The following LBR variants were observed in gnomAD, a reference collection of about 807,000 sequenced individuals.
LBR encodes lamin B receptor.
LBR carries 28 observed loss-of-function variants against 74.3 expected under a neutral mutation model. The ratio of observed to expected loss-of-function variants is 0.38; its 90% CI spans 0.28 to 0.52. The LOEUF is 0.52. Ranked by LOEUF, LBR falls within the 20% of genes least tolerant of loss-of-function variation. The probability of loss-of-function intolerance (pLI) is 0.89; values close to 1 mark genes in which losing one functional copy is unlikely to be tolerated. For synonymous variants in LBR, 228 were observed against 269.3 expected, an observed-to-expected ratio of 0.85 and a Z score of 1.50; for missense variants, 717 against 760.3, an observed-to-expected ratio of 0.94 and a Z score of 0.67.
upstream of LBR, among the ~76,000 whole-genome samples, chr1:225,428,279 C>G (rs781448218): frequency 1.3e-5 from 2 of 152,184 alleles, no homozygotes; most frequent in South Asian, 2.1e-4. Context: ...CGGGGGAAAC[C>G]GAGTCTGGCG....
At chr1:225,421,816 A>G (rs1415565781) in intron 3 of LBR, among the ~76,000 whole-genome samples, 1 of 152,252 alleles carries the variant, frequency 6.6e-6, no homozygotes, top group Non-Finnish European at 1.5e-5. Context: ...TCAATCTACA[A>G]GCTACATCTA....
At position 225,406,758 on chromosome 1, in the gene LBR, C is replaced by G; in HGVS notation, c.1389G>C (p.Trp463Cys). The G allele has an allele frequency of 6.2e-7, 1 of 1,614,096 alleles. No individual in the cohort carries two copies. Residue 463 changes from tryptophan to cysteine, a missense_variant, in exon 11 of 14, where the codon TGG (tryptophan) becomes TGC (cysteine). Coordinates refer to ENST00000272163, the MANE Select transcript of LBR (RefSeq NM_002296.4). ...CTTGGAAGCTGTAAATAAAGGGAAC[C>G]CACACCAAGTCTCCAAAAGCCAGCA... ...GFMLAFGDLV[W>C]VPFIYSFQAF... is the part of the protein sequence containing the mutation.
Position 225,417,977 on chromosome 1 carries a change from A to G in LBR, c.837+7T>C. 6.2e-7 allele frequency: 1 copy of G among 1,613,280 alleles called. No individual in the cohort carries two copies. The highest frequency in any genetic ancestry group is 8.5e-7 in the Non-Finnish European group (1 of 1,179,230). Reference sequence around the variant, plus strand: ...ATTAAAACAAAACAGAATTACCATAAACGTACCTTTCCAATTGGCAGTAGG... The same window carrying G: ...ATTAAAACAAAACAGAATTACCATAGACGTACCTTTCCAATTGGCAGTAGG... On this transcript the variant is annotated splice_region_variant and intron_variant, in intron 6 of 13. Coordinates refer to ENST00000272163, the MANE Select transcript of LBR (RefSeq NM_002296.4).
intron 1 of LBR, 37 bp from the exon 2 acceptor site, chr1:225,424,126 A>C (rs760464261): frequency 7.0e-7 from 1 of 1,433,788 alleles, no homozygotes; most frequent in South Asian, 1.1e-5. Flanking sequence ...GAGTCAATAC[A>C]TACACATTTA....
chr1:225,416,143 T>C (rs1485162581), intron 6 of LBR, among the ~76,000 whole-genome samples: 2 of 150,392 alleles, frequency 1.3e-5, no homozygotes, highest in Non-Finnish European at 3.0e-5. Context: ...CAGGAGGAGG[T>C]TGCAGATTGC....
chr1:225,424,069 T>C lies in LBR; in HGVS notation c.7A>G (p.Ser3Gly), dbSNP rs1481485031. MPSRKFADGEVVR... is the reference protein window; with the variant it reads MPGRKFADGEVVR... ...ACTTCACCATCGGCAAATTTCCTAC[T>C]TGGCATTTTCTATAATTAACCTGAA... is the stretch of plus-strand genomic sequence containing the variant. The change falls in exon 2 of 14, where the codon AGT becomes GGT. Residue 3 changes from serine (S) to glycine (G), a missense_variant. Physicochemically the swap from Ser to Gly is moderately conservative, Grantham distance 56. Transcript: ENST00000272163. The C allele has an allele frequency of 1.9e-6, 3 of 1,614,090 alleles. No homozygotes were observed. Among genetic ancestry groups the C allele is most frequent in the Non-Finnish European group, 2.5e-6 (3 of 1,179,976 alleles).
chr1:225,403,368 A>G lies in LBR; in HGVS notation c.1783T>C (p.Tyr595His). 6.2e-7 allele frequency: 1 copy of G among 1,613,936 alleles called. No homozygotes were observed. Among genetic ancestry groups the G allele is most frequent in the Non-Finnish European group, 8.5e-7 (1 of 1,179,910 alleles). ...CAGTACTTTTCCCAAGCCACGCCGT[A>G]TTTCTTCTTACAGTGGTACTCGTCA... ...ARDEYHCKKK[Y>H]GVAWEKYCQR... The change falls in exon 14 of 14, where the codon TAC (tyrosine) becomes CAC (histidine). Residue 595 changes from tyrosine (Y) to histidine (H), a missense_variant. Transcript: ENST00000272163.
chr1:225,412,591 C>G lies in LBR; in HGVS notation c.947G>C (p.Gly316Ala). 5 of 1,613,454 alleles carry G rather than the reference C, an allele frequency of 3.1e-6. No individual in the cohort carries two copies. Among genetic ancestry groups the G allele is most frequent in the Non-Finnish European group, 4.2e-6 (5 of 1,179,916 alleles). Residue 316 changes from glycine to alanine, a missense_variant, in exon 8 of 14, where the codon GGC (glycine) becomes GCC (alanine). Physicochemically the swap from Gly to Ala is moderately conservative, Grantham distance 60 (BLOSUM62 0). Coordinates refer to ENST00000272163, the MANE Select transcript of LBR (RefSeq NM_002296.4). ...SAVIGTSLFQ[G>A]VEFHYVYSHF... ...ACTGTACACGTAATGAAACTCTACGCCCTGGAAGAGAGATGTTCCGATGAC... is the reference window on the plus strand; with the variant it reads ...ACTGTACACGTAATGAAACTCTACGGCCTGGAAGAGAGATGTTCCGATGAC...
intron 6 of LBR, among the ~76,000 whole-genome samples, chr1:225,416,155 C>T (rs1455600105): frequency 6.6e-6 from 1 of 151,582 alleles, no homozygotes; most frequent in Non-Finnish European, 1.5e-5. Context: ...GCAGATTGCA[C>T]CACTGCACTC....
At chr1:225,416,681 C>CA (rs1360969256) in intron 6 of LBR, among the ~76,000 whole-genome samples, 2 of 152,180 alleles carry the variant, frequency 1.3e-5, no homozygotes, top group East Asian at 3.8e-4. Flanking sequence ...CGACGGGATC[C>CA]ACATCCATGG....
At chr1:225,408,085 C>G (rs2096096315) in intron 10 of LBR, among the ~76,000 whole-genome samples, 1 of 152,150 alleles carries the variant, frequency 6.6e-6, no homozygotes, top group Non-Finnish European at 1.5e-5. Flanking sequence ...TCACTGTTAA[C>G]TATAGTCATC....
rs1462087829 is a variant in LBR, at chr1:225,422,234, C to G, written c.209G>C (p.Ser70Thr). 22 of 1,613,706 alleles carry G rather than the reference C, an allele frequency of 1.4e-5. No individual in the cohort carries two copies. The highest frequency in any genetic ancestry group is 1.9e-5 in the Non-Finnish European group (22 of 1,180,034). The change falls in exon 3 of 14, where the codon AGT becomes ACT. Residue 70 changes from serine (S) to threonine (T), a missense_variant. By Grantham distance (58) the Ser-to-Thr change is moderately conservative. Transcript: ENST00000272163. The stretch of plus-strand genomic sequence containing the variant: ...ACTCCCTCGGCGTCTGGAAGGGGAA[C>G]TGGAAGTTGAGCCACCTTTCCTTTG... ...FRQRKGGSTS[S>T]SPSRRRGSRS...
chr1:225,428,710 C>T (rs1429488887), upstream of LBR: 1 of 152,130 alleles, frequency 6.6e-6, no homozygotes, highest in Non-Finnish European at 1.5e-5. Flanking sequence ...ACTTACGCTG[C>T]GAGGAGGGGC....
Position 225,406,842 on chromosome 1 carries a change from T to C in LBR, c.1315-10A>G, listed in dbSNP as rs372673408. The stretch of plus-strand genomic sequence containing the variant: ...TCGTCAACAACGCTTCCTATAAGGA[T>C]ACAGACGGGGAAAGGGAGAAGGAGC... On this transcript the variant is annotated splice_polypyrimidine_tract_variant and intron_variant, in intron 10 of 13. Transcript: ENST00000272163. The C allele has an allele frequency of 2.6e-4, 418 of 1,613,494 alleles. No individual in the cohort carries two copies. The highest frequency in any genetic ancestry group is 3.3e-4 in the Non-Finnish European group (393 of 1,179,544).
At chr1:225,423,667 A>AAACCCAGGGGACCAACAGATG in intron 2 of LBR, among the ~76,000 whole-genome samples, 1 of 152,342 alleles carries the variant, frequency 6.6e-6, no homozygotes, top group East Asian at 1.9e-4. Flanking sequence ...CACAGAACGT[A>AAACCCAGGGGACCAACAGATG]GTAAACCCAG....
upstream of LBR, chr1:225,428,618 T>A (rs1022686582): frequency 2.0e-5 from 3 of 152,078 alleles, no homozygotes; most frequent in Admixed American, 2.0e-4. Flanking sequence ...CCGCGGCCGC[T>A]GAACCTGCGT....
At position 225,411,387 on chromosome 1, in the gene LBR, T is replaced by C. The variant is rs779092617; in HGVS notation, c.1138A>G (p.Thr380Ala). Residue 380 changes from threonine (T) to alanine (A), a missense_variant, in exon 9 of 14, where the codon ACT becomes GCT. Coordinates refer to ENST00000272163, the MANE Select transcript of LBR (RefSeq NM_002296.4). ...TCACAAAAGTATTTGAGATCAAAAG[T>C]ACCAATTCGAGGGTTTAATTCACGG... ...IGRELNPRIG[T>A]FDLKYFCELR... 1.7e-5 allele frequency: 28 copies of C among 1,613,964 alleles called. No homozygotes were observed.
At chr1:225,424,886 C>T (rs1326270782) in intron 1 of LBR, among the ~76,000 whole-genome samples, 1 of 152,188 alleles carries the variant, frequency 6.6e-6, no homozygotes, top group Non-Finnish European at 1.5e-5. Flanking sequence ...TGGGTACTTC[C>T]AGCTGCCAGA....
intron 10 of LBR, among the ~76,000 whole-genome samples, chr1:225,408,488 A>G (rs926339754): frequency 7.2e-5 from 11 of 152,200 alleles, no homozygotes; most frequent in Non-Finnish European, 1.5e-4. Flanking sequence ...CCTGAGCCCC[A>G]AGGCTTTCAC....
Sources: gnomAD v4.1 joint callset for allele counts (sites outside exome capture counted in the v4.1 genomes callset) on GRCh38, gnomAD v4.1.1 for gene constraint, MANE v1.5 for transcripts, NCBI Gene and HGNC (gene_info 2026-07-23, HGNC 2026-07-21) for gene names.